POLR1C: variants seen among roughly 807,000 people sequenced by gnomAD.
The protein encoded by POLR1C is RNA polymerase I and III subunit C, also known as DNA-directed RNA polymerases I and III subunit RPAC1.
Under a neutral mutation model 38.3 loss-of-function variants are expected in POLR1C, and 42 were observed. The observed-to-expected ratio is 1.10, with a 90% CI of 0.86 to 1.42. The LOEUF is 1.42. POLR1C is among the 40% of genes most tolerant of loss of function. The probability of loss-of-function intolerance (pLI) is 0.00; values close to 1 mark genes in which losing one functional copy is unlikely to be tolerated. For missense variants in POLR1C, 507 were observed against 450.5 expected (o/e 1.13, Z -1.14); for synonymous variants, 163 against 163.9 (o/e 0.99, Z 0.04).
chr6:43,559,666 A>C (rs1762301790), intron 10 of POLR1C, among the ~76,000 whole-genome samples: 1 of 152,256 alleles, frequency 6.6e-6, no homozygotes, highest in Non-Finnish European at 1.5e-5. Flanking sequence ...CCTAGCACCT[A>C]GCCCAATACT....
At chr6:43,527,447 T>C (rs1297199775) in intron 8 of POLR1C, 3 of 539,906 alleles carry the variant, frequency 5.6e-6, no homozygotes, top group African/African-American at 3.9e-5. Context: ...CTAATTTTTG[T>C]ATTATTAGTA....
intron 10 of POLR1C, chr6:43,551,158 AG>A (rs1194437677): frequency 7.7e-6 from 6 of 779,172 alleles, no homozygotes; most frequent in African/African-American, 1.8e-5. Context: ...CAGAAGGGTG[AG>A]GTGTGAGGAT....
At chr6:43,530,794 G>A, downstream of POLR1C, 1 of 1,613,316 alleles carries the variant, frequency 6.2e-7, no homozygotes, top group Non-Finnish European at 8.5e-7. Context: ...CTTGCTGCAT[G>A]GAAGGGCCTG....
chr6:43,552,237 T>C (rs1795263175), intron 10 of POLR1C, among the ~76,000 whole-genome samples: 1 of 152,096 alleles, frequency 6.6e-6, no homozygotes, highest in Admixed American at 6.5e-5. Flanking sequence ...TTTGTATTTT[T>C]AGTAGAGACA....
intron 9 of POLR1C, among the ~76,000 whole-genome samples, chr6:43,545,981 T>C (rs1376575009): frequency 1.3e-5 from 2 of 152,152 alleles, no homozygotes; most frequent in Non-Finnish European, 2.9e-5. Context: ...TTAGTATGTC[T>C]GGGGTGGGGC....
At chr6:43,527,368 T>G in intron 8 of POLR1C, 1 of 285,990 alleles carries the variant, frequency 3.5e-6, no homozygotes. Flanking sequence ...GCCTCCCGGG[T>G]TCAAGCGATT....
intron 10 of POLR1C, among the ~76,000 whole-genome samples, chr6:43,559,304 AAC>A (rs1762279712): frequency 1.3e-5 from 2 of 152,224 alleles, no homozygotes; most frequent in South Asian, 2.1e-4. Context: ...CTCAAAAAAA[AAC>A]ACAGAACACC....
At chr6:43,548,565 A>C (rs1795075497) in intron 9 of POLR1C, 1 of 1,042,176 alleles carries the variant, frequency 9.6e-7, no homozygotes, top group African/African-American at 1.6e-5. Flanking sequence ...GTCCCAGGAA[A>C]GTCAGGCCTA....
At chr6:43,545,439 G>A (rs1794916762) in intron 9 of POLR1C, among the ~76,000 whole-genome samples, 1 of 151,954 alleles carries the variant, frequency 6.6e-6, no homozygotes, top group South Asian at 2.1e-4. Context: ...AGGTGTGGTG[G>A]CTCACTCCTG....
intron 9 of POLR1C, among the ~76,000 whole-genome samples, chr6:43,538,595 T>C (rs1208438590): frequency 6.6e-6 from 1 of 152,182 alleles, no homozygotes; most frequent in African/African-American, 2.4e-5. Flanking sequence ...ACAATGGAAA[T>C]GTGGTTATAT....
intron 4 of POLR1C, 77 bp from the exon 5 acceptor site, chr6:43,519,989 G>GTAATT: frequency 6.3e-7 from 1 of 1,578,538 alleles, no homozygotes; most frequent in Non-Finnish European, 8.6e-7. Flanking sequence ...AATTAAATGG[G>GTAATT]AAACACGTAA....
intron 9 of POLR1C, among the ~76,000 whole-genome samples, chr6:43,538,199 G>T (rs1391824426): frequency 1.5e-5 from 2 of 129,212 alleles, no homozygotes; most frequent in East Asian, 4.7e-4. Flanking sequence ...GCTCAGGCTG[G>T]AGTACAATGG....
At position 43,519,840 on chromosome 6, in the gene POLR1C, T is replaced by C; in HGVS notation, c.382+2T>C. 6.2e-6 allele frequency: 10 copies of C among 1,613,738 alleles called. No individual in the cohort carries two copies. The highest frequency in any genetic ancestry group is 8.5e-6 in the Non-Finnish European group (10 of 1,179,838). On this transcript the variant is annotated splice_donor_variant, in intron 4 of 8. Transcript: ENST00000642195. LOFTEE classifies it high-confidence loss of function. ...GTCTTTTTGAGTATCGGAACCAAGG[T>C]GAGAAAATGAAATTTTGGGAGAAGT...
At chr6:43,554,180 C>G (rs374515559) in intron 10 of POLR1C, among the ~76,000 whole-genome samples, 1 of 152,126 alleles carries the variant, frequency 6.6e-6, no homozygotes, top group South Asian at 2.1e-4. Flanking sequence ...GATCTCGGCT[C>G]ACTGCAACAT....
chr6:43,534,122 G>A, downstream of POLR1C: 3 of 697,146 alleles, frequency 4.3e-6, no homozygotes, highest in Non-Finnish European at 7.1e-6. Flanking sequence ...ATCAACTCCT[G>A]GCAGGGGAAA....
chr6:43,545,443 A>G (rs1794917053), intron 9 of POLR1C, among the ~76,000 whole-genome samples: 1 of 151,810 alleles, frequency 6.6e-6, no homozygotes, highest in South Asian at 2.1e-4. Flanking sequence ...GTGGTGGCTC[A>G]CTCCTGGAGT....
intron 9 of POLR1C, among the ~76,000 whole-genome samples, chr6:43,545,356 C>T (rs1331368515): frequency 6.6e-6 from 1 of 152,180 alleles, no homozygotes; most frequent in African/African-American, 2.4e-5. Context: ...ACTGCTTTTA[C>T]TCCTTGGAGA....
chr6:43,531,758 A>G (rs527497322), downstream of POLR1C, among the ~76,000 whole-genome samples: 1 of 152,124 alleles, frequency 6.6e-6, no homozygotes, highest in African/African-American at 2.4e-5. Flanking sequence ...AAAGCTACTT[A>G]AGGACCCAGG....
downstream of POLR1C, chr6:43,530,610 C>T: frequency 6.6e-7 from 1 of 1,515,798 alleles, no homozygotes; most frequent in South Asian, 1.2e-5. Flanking sequence ...CCTCTTCCCT[C>T]TGGTTGCTGT....
Sources: allele counts gnomAD v4.1 joint callset (sites outside exome capture counted in the v4.1 genomes callset), GRCh38; gene constraint gnomAD v4.1.1; transcripts MANE v1.5; gene names NCBI Gene and HGNC (gene_info 2026-07-23, HGNC 2026-07-21).